FAM178B: variants seen among roughly 807,000 people sequenced by gnomAD.
The protein encoded by FAM178B is family with sequence similarity 178 member B, also known as protein FAM178B.
FAM178B carries 82 observed loss-of-function variants against 91.7 expected under a neutral mutation model. The observed-to-expected ratio is 0.89, with a 90% CI of 0.75 to 1.07. The LOEUF (loss-of-function observed/expected upper bound fraction) is 1.07, where lower values mean the gene tolerates loss of function less well. FAM178B is among the 50% of genes least tolerant of loss of function. The pLI is 0.00. For synonymous variants in FAM178B, 368 were observed against 359.4 expected, an observed-to-expected ratio of 1.02 and a Z score of -0.27; for missense variants, 769 against 846.7, an observed-to-expected ratio of 0.91 and a Z score of 1.14.
intron 12 of FAM178B, among the ~76,000 whole-genome samples, chr2:96,906,204 C>CTTTT (rs779631865): frequency 8.3e-5 from 11 of 132,938 alleles, no homozygotes; most frequent in Admixed American, 4.7e-4. Flanking sequence ...CTTTTTCTTT[C>CTTTT]TTTTTTTTTT....
At chr2:96,971,617 A>T (rs2082218929) in intron 3 of FAM178B, among the ~76,000 whole-genome samples, 1 of 152,160 alleles carries the variant, frequency 6.6e-6, no homozygotes. Flanking sequence ...CTCAGCCATG[A>T]AAGCCTCAAG....
chr2:96,922,661 TTTC>T (rs1464687955), intron 10 of FAM178B, among the ~76,000 whole-genome samples: 1 of 152,188 alleles, frequency 6.6e-6, no homozygotes, highest in Admixed American at 6.5e-5. Context: ...ATTCGTTTAC[TTTC>T]TTAATAAACT....
chr2:96,940,304 C>T (rs909812304), intron 8 of FAM178B, among the ~76,000 whole-genome samples: 14 of 152,186 alleles, frequency 9.2e-5, no homozygotes, highest in African/African-American at 3.4e-4. Context: ...CTGCTGCCAC[C>T]GCCACAGGAG....
At chr2:96,878,575 C>T in intron 14 of FAM178B, 82 bp from the exon 15 acceptor site, 1 of 1,340,066 alleles carries the variant, frequency 7.5e-7, no homozygotes, top group Non-Finnish European at 1.1e-6. Context: ...ACACTCCCCA[C>T]TCTCAGGCTT....
chr2:96,964,185 T>A (rs544296587), intron 5 of FAM178B, among the ~76,000 whole-genome samples: 74 of 140,932 alleles, frequency 5.3e-4, no homozygotes, highest in Middle Eastern at 3.6e-3. Flanking sequence ...AAAAATAAAA[T>A]AAAAGAGAGA....
chr2:96,926,133 A>T (rs1038824074), intron 9 of FAM178B, among the ~76,000 whole-genome samples: 1 of 152,084 alleles, frequency 6.6e-6, no homozygotes, highest in African/African-American at 2.4e-5. Flanking sequence ...GTGAAACCCC[A>T]TCTCTACTAA....
At position 96,921,253 on chromosome 2, in the gene FAM178B, G is replaced by T; in HGVS notation, c.1474C>A (p.Leu492Met). The change falls in exon 12 of 17, where the codon CTG becomes ATG. Residue 492 changes from leucine to methionine, a missense_variant. Leu to Met is a conservative substitution (Grantham distance 15). Transcript: ENST00000490605. ...GACACCCAGCTCAGGGTGCAGCACAGTTCCTGGAGCTGCAGGAGAACGGCA... is the reference window on the plus strand; with the variant it reads ...GACACCCAGCTCAGGGTGCAGCACATTTCCTGGAGCTGCAGGAGAACGGCA... ...IREWPGKLQELCCTLSWVSDH... is the reference protein window; with the variant it reads ...IREWPGKLQEMCCTLSWVSDH... The T allele has an allele frequency of 1.3e-6, 2 of 1,551,582 alleles. No homozygotes were observed. Among genetic ancestry groups the T allele is most frequent in the Non-Finnish European group, 1.7e-6 (2 of 1,146,938 alleles).
chr2:96,946,118 C>A (rs1024342939), intron 8 of FAM178B, among the ~76,000 whole-genome samples: 1 of 152,104 alleles, frequency 6.6e-6, no homozygotes. Flanking sequence ...AACTCATATA[C>A]GTGTTTGTTC....
intron 1 of FAM178B, among the ~76,000 whole-genome samples, chr2:96,985,287 T>C (rs1295162668): frequency 2.0e-5 from 3 of 152,150 alleles, no homozygotes; most frequent in Non-Finnish European, 4.4e-5. Context: ...TCTTTCCAGG[T>C]TCAGGACTGA....
chr2:96,969,179 C>G (rs1317448425), intron 4 of FAM178B, among the ~76,000 whole-genome samples: 1 of 152,230 alleles, frequency 6.6e-6, no homozygotes, highest in African/African-American at 2.4e-5. Context: ...CTATCCAGAG[C>G]CTGGCATGGT....
chr2:96,929,233 G>C lies in FAM178B; in HGVS notation c.1166C>G (p.Pro389Arg). 2 of 1,551,486 alleles carry C rather than the reference G, an allele frequency of 1.3e-6. No homozygotes were observed. The highest frequency in any genetic ancestry group is 8.7e-7 in the Non-Finnish European group (1 of 1,146,824). Residue 389 changes from proline to arginine, a missense_variant, in exon 9 of 17, where the codon CCT (proline) becomes CGT (arginine). By Grantham distance (103) the Pro-to-Arg change is moderately radical. Transcript: ENST00000490605. ...SLGAHSPALY[P>R]LGPFWHGGRV... Reference sequence around the variant, plus strand: ...GCCACCGTGCCAAAAGGGCCCCAGAGGGTACAGGGCAGGACTGTGGGCACC... The same window carrying C: ...GCCACCGTGCCAAAAGGGCCCCAGACGGTACAGGGCAGGACTGTGGGCACC...
intron 8 of FAM178B, among the ~76,000 whole-genome samples, chr2:96,937,806 G>T (rs1260645604): frequency 3.3e-5 from 5 of 152,128 alleles, no homozygotes; most frequent in African/African-American, 1.2e-4. Flanking sequence ...CAGGCAGATC[G>T]CTTGAGCCCA....
chr2:96,937,275 A>T (rs1278817268), intron 8 of FAM178B, among the ~76,000 whole-genome samples: 2 of 152,140 alleles, frequency 1.3e-5, no homozygotes, highest in Non-Finnish European at 2.9e-5. Context: ...ATTGTGGTTT[A>T]ATTAGTCTGG....
chr2:96,893,061 T>G (rs2080721074), intron 14 of FAM178B, among the ~76,000 whole-genome samples: 1 of 152,202 alleles, frequency 6.6e-6, no homozygotes, highest in Non-Finnish European at 1.5e-5. Flanking sequence ...ATTAAGTAAT[T>G]AATTCATTTA....
chr2:96,980,591 G>A (rs1393503483), intron 1 of FAM178B, among the ~76,000 whole-genome samples: 2 of 151,418 alleles, frequency 1.3e-5, no homozygotes, highest in East Asian at 3.9e-4. Flanking sequence ...TTGTAGAGGT[G>A]GAGGTCTTTC....
At chr2:96,912,382 G>T (rs1235893150) in intron 12 of FAM178B, among the ~76,000 whole-genome samples, 4 of 152,012 alleles carry the variant, frequency 2.6e-5, no homozygotes, top group Admixed American at 2.6e-4. Flanking sequence ...TAGCACCCCC[G>T]ACTTCATGGG....
chr2:96,876,381 C>A (rs2080242198), intron 16 of FAM178B, 73 bp from the exon 17 acceptor site: 1 of 1,543,430 alleles, frequency 6.5e-7, no homozygotes, highest in African/African-American at 1.4e-5. Flanking sequence ...GCTCCCCGGG[C>A]TGGCGGTGTC....
At chr2:96,889,974 A>AT (rs1374987544) in intron 14 of FAM178B, among the ~76,000 whole-genome samples, 11 of 21,330 alleles carry the variant, frequency 5.2e-4, no homozygotes, top group African/African-American at 2.0e-3. Context: ...CCCCATCTTT[A>AT]TTAAAAAAAA....
intron 9 of FAM178B, among the ~76,000 whole-genome samples, chr2:96,928,269 T>C (rs180797419): frequency 5.9e-5 from 9 of 152,278 alleles, no homozygotes; most frequent in African/African-American, 1.7e-4. Context: ...CTCTGTTCCA[T>C]CTCAAATCAC....
Sources: allele counts gnomAD v4.1 joint callset (sites outside exome capture counted in the v4.1 genomes callset), GRCh38; gene constraint gnomAD v4.1.1; transcripts MANE v1.5; gene names NCBI Gene and HGNC (gene_info 2026-07-23, HGNC 2026-07-21).